ELAPOR2: variants seen among roughly 807,000 people sequenced by gnomAD.
ELAPOR2 encodes the protein endosome-lysosome associated apoptosis and autophagy regulator family member 2.
Under a neutral mutation model 120.7 loss-of-function variants are expected in ELAPOR2, and 89 were observed. That is an observed-to-expected ratio of 0.74 (90% CI 0.62 to 0.88). ELAPOR2 has a LOEUF of 0.88. ELAPOR2 is among the 40% of genes least tolerant of loss of function. The probability of loss-of-function intolerance (pLI) is 0.00; values close to 1 mark genes in which losing one functional copy is unlikely to be tolerated. For synonymous variants in ELAPOR2, 444 were observed against 444.9 expected (o/e 1.00, Z 0.03); for missense variants, 1,134 against 1,251.6 (o/e 0.91, Z 1.42).
chr7:86,977,070 A>T (rs1435772704), intron 1 of ELAPOR2, among the ~76,000 whole-genome samples: 1 of 152,224 alleles, frequency 6.6e-6, no homozygotes, highest in East Asian at 1.9e-4. Flanking sequence ...ACTCATATTT[A>T]TGTATGTCTC....
At chr7:86,887,532 T>A (rs1342490124) in intron 21 of ELAPOR2, among the ~76,000 whole-genome samples, 5 of 152,246 alleles carry the variant, frequency 3.3e-5, no homozygotes, top group Admixed American at 1.3e-4. Flanking sequence ...ACCCATACAT[T>A]GTGAACCTTG....
intron 1 of ELAPOR2, among the ~76,000 whole-genome samples, chr7:86,967,851 T>A (rs1443480497): frequency 6.6e-6 from 1 of 152,144 alleles, no homozygotes. Context: ...CTCTTAGGAG[T>A]TCAGCAGGAA....
intron 21 of ELAPOR2, among the ~76,000 whole-genome samples, chr7:86,890,362 T>C (rs1188904073): frequency 3.3e-5 from 5 of 151,950 alleles, no homozygotes; most frequent in Non-Finnish European, 7.4e-5. Flanking sequence ...AATGGACAGG[T>C]ATGCTACCTG....
At chr7:86,913,333 T>A (rs574968253) in intron 13 of ELAPOR2, 129 bp from the exon 14 acceptor site, 34 of 837,528 alleles carry the variant, frequency 4.1e-5, no homozygotes, top group Admixed American at 8.2e-5. Flanking sequence ...TAATTGACAA[T>A]AGATTAATAT....
In ELAPOR2 at chr7:86,964,120, A is replaced by C. The variant is rs368037405; in HGVS notation, c.310+784T>G. Among the ~76,000 whole-genome samples the C allele has an allele frequency of 8.5e-5, 13 of 152,290 alleles. No homozygotes were observed. In the South Asian group the frequency reaches 2.7e-3, roughly 32 times the overall value. The stretch of plus-strand genomic sequence containing the variant: ...TCTTTCATTTGGAAACAGAAAAACT[A>C]AGCTTTTAGGAATACCACTTGGAAG... On this transcript the variant is annotated intron_variant, in intron 2 of 21. Coordinates refer to ENST00000450689, the MANE Select transcript of ELAPOR2 (RefSeq NM_001142749.3).
At chr7:86,959,298 C>T (rs905234453) in intron 2 of ELAPOR2, among the ~76,000 whole-genome samples, 9 of 152,060 alleles carry the variant, frequency 5.9e-5, no homozygotes, top group East Asian at 1.9e-4. Flanking sequence ...TTTTCTGATT[C>T]GTATGCCTTT....
At chr7:87,024,162 C>G (rs890391951) in intron 1 of ELAPOR2, among the ~76,000 whole-genome samples, 20 of 152,136 alleles carry the variant, frequency 1.3e-4, no homozygotes, top group African/African-American at 4.8e-4. Flanking sequence ...GGGAATGCTT[C>G]CAGTTTTTGC....
chr7:86,983,949 G>C lies in ELAPOR2; in HGVS notation c.190-18925C>G, dbSNP rs189937844. Among the ~76,000 whole-genome samples the C allele has an allele frequency of 5.2e-3, 789 of 152,294 alleles. 6 individuals carry two copies. The highest frequency in any genetic ancestry group is 0.018 in the African/African-American group (754 of 41,544). On this transcript the variant is annotated intron_variant, in intron 1 of 21. Transcript: ENST00000450689. Reference sequence around the variant, plus strand: ...GCTGTATTCAGGAGACCCATCTCATGTGCAGAGACACACATAGGCTCAAAA... The same window carrying C: ...GCTGTATTCAGGAGACCCATCTCATCTGCAGAGACACACATAGGCTCAAAA...
rs1799283919 is a variant in ELAPOR2, at chr7:86,879,153, C to T, written c.*1318G>A. 1 of 152,074 alleles carries T rather than the reference C, an allele frequency of 6.6e-6. No homozygotes were observed. The highest frequency in any genetic ancestry group is 2.4e-5 in the African/African-American group (1 of 41,392). 9.4% of individuals were successfully genotyped at this position (152,074 alleles called of 1,614,324 possible). A position where few individuals can be genotyped will look rare whatever the true frequency, so the allele number is the denominator to read the frequency against. On this transcript the variant is annotated 3_prime_UTR_variant, in exon 22 of 22. Coordinates refer to ENST00000450689, the MANE Select transcript of ELAPOR2 (RefSeq NM_001142749.3). ...TGTTTATTGGAAACAAATAAGAGCA[C>T]CTTAGATCAGCAATGGCCAGGAAAC... is the stretch of plus-strand genomic sequence containing the variant.
chr7:86,929,174 C>G (rs909497422), intron 8 of ELAPOR2, among the ~76,000 whole-genome samples: 1 of 151,846 alleles, frequency 6.6e-6, no homozygotes, highest in African/African-American at 2.4e-5. Context: ...GAGGTATCAA[C>G]TGAAAGCTGA....
chr7:86,890,379 A>G (rs1260810287), intron 21 of ELAPOR2, among the ~76,000 whole-genome samples: 2 of 151,940 alleles, frequency 1.3e-5, no homozygotes, highest in African/African-American at 4.8e-5. Flanking sequence ...CCTGTCCAAA[A>G]CAATAAAGAT....
chr7:86,973,152 A>G (rs1400769428), intron 1 of ELAPOR2, among the ~76,000 whole-genome samples: 1 of 152,098 alleles, frequency 6.6e-6, no homozygotes, highest in African/African-American at 2.4e-5. Context: ...CCAGTTCTAA[A>G]TGGAAGATCT....
chr7:86,908,108 G>A (rs1789119554), intron 17 of ELAPOR2, among the ~76,000 whole-genome samples: 2 of 151,218 alleles, frequency 1.3e-5, no homozygotes, highest in Admixed American at 6.6e-5. Flanking sequence ...AATTATTGGC[G>A]AGACAATGAA....
intron 2 of ELAPOR2, among the ~76,000 whole-genome samples, chr7:86,949,748 A>G (rs887307921): frequency 2.0e-5 from 3 of 152,152 alleles, no homozygotes; most frequent in African/African-American, 7.2e-5. Flanking sequence ...GCTTCCTGCC[A>G]CCTCAGCCTC....
At chr7:86,938,691 G>C (rs1161683851) in intron 7 of ELAPOR2, 117 bp downstream of exon 7, 2 of 947,240 alleles carry the variant, frequency 2.1e-6, no homozygotes, top group African/African-American at 3.3e-5. Context: ...ATTCACTCCA[G>C]CACTTTGGTT....
rs1340223813 is a variant in ELAPOR2, at chr7:86,877,565, G to A, written c.*2906C>T. The stretch of plus-strand genomic sequence containing the variant: ...AACCCCCAGAGAAATTTATTTCTAT[G>A]AGGAAGAGAGAAATTATGTACACAT... On this transcript the variant is annotated 3_prime_UTR_variant, in exon 22 of 22. Transcript: ENST00000450689. 1 of 152,138 alleles carries A rather than the reference G, an allele frequency of 6.6e-6. No individual in the cohort carries two copies. Among genetic ancestry groups the A allele is most frequent in the African/African-American group, 2.4e-5 (1 of 41,438 alleles). The allele number at this position is 152,138 out of a possible 1,614,324, so 9.4% of individuals were successfully genotyped here. A position where few individuals can be genotyped will look rare whatever the true frequency, so the allele number is the denominator to read the frequency against.
chr7:87,019,512 C>T (rs1452475101), intron 1 of ELAPOR2, among the ~76,000 whole-genome samples: 1 of 152,132 alleles, frequency 6.6e-6, no homozygotes, highest in African/African-American at 2.4e-5. Flanking sequence ...AAAGACAAAA[C>T]TCACTAAAAG....
chr7:86,976,828 C>A (rs546974966), intron 1 of ELAPOR2, among the ~76,000 whole-genome samples: 16 of 152,270 alleles, frequency 1.1e-4, no homozygotes, highest in African/African-American at 3.4e-4. Flanking sequence ...AGAGAAAAGA[C>A]AATCAACATA....
chr7:87,033,041 A>G (rs1166372618), intron 1 of ELAPOR2, among the ~76,000 whole-genome samples: 1 of 152,196 alleles, frequency 6.6e-6, no homozygotes, highest in Non-Finnish European at 1.5e-5. Flanking sequence ...GCTGCCTGGT[A>G]CACCTAATAA....
Sources: allele counts gnomAD v4.1 joint callset (sites outside exome capture counted in the v4.1 genomes callset), GRCh38; gene constraint gnomAD v4.1.1; transcripts MANE v1.5; gene names NCBI Gene and HGNC (gene_info 2026-07-23, HGNC 2026-07-21).